LIMA1: variants seen among roughly 807,000 people sequenced by gnomAD.
LIMA1 encodes the protein LIM domain and actin binding 1.
LIMA1 carries 52 observed loss-of-function variants against 62.6 expected under a neutral mutation model. That is an observed-to-expected ratio of 0.83 (90% CI 0.67 to 1.05). The LOEUF (loss-of-function observed/expected upper bound fraction) is 1.05. Among genes scored for constraint, LIMA1 ranks in the 50% least tolerant of loss-of-function variants. The probability of loss-of-function intolerance (pLI) is 0.00; values close to 1 mark genes in which losing one functional copy is unlikely to be tolerated. For missense variants in LIMA1, 780 were observed against 902.2 expected, an observed-to-expected ratio of 0.86 and a Z score of 1.74; for synonymous variants, 302 against 317.8, an observed-to-expected ratio of 0.95 and a Z score of 0.53.
At chr12:50,263,006 C>A (rs897225983) in intron 1 of LIMA1, among the ~76,000 whole-genome samples, 1 of 152,144 alleles carries the variant, frequency 6.6e-6, no homozygotes, top group African/African-American at 2.4e-5. Context: ...TGAGACACTG[C>A]ACTGATTAAT....
intron 1 of LIMA1, among the ~76,000 whole-genome samples, chr12:50,256,736 C>T (rs551985880): frequency 3.9e-5 from 6 of 152,200 alleles, no homozygotes; most frequent in South Asian, 4.1e-4. Flanking sequence ...CTTGGAGAAG[C>T]GGTTGATTCC....
At chr12:50,205,587 G>A (rs2138488436) in intron 5 of LIMA1, among the ~76,000 whole-genome samples, 1 of 151,912 alleles carries the variant, frequency 6.6e-6, no homozygotes, top group Middle Eastern at 3.4e-3. Context: ...ACCTGATAGG[G>A]GACACAGCCC....
chr12:50,266,644 G>A (rs1214096108), intron 1 of LIMA1, among the ~76,000 whole-genome samples: 1 of 152,180 alleles, frequency 6.6e-6, no homozygotes, highest in East Asian at 1.9e-4. Flanking sequence ...TAAATTCCTA[G>A]AAGGAGCATT....
chr12:50,281,999 G>C (rs1162545635), intron 1 of LIMA1, among the ~76,000 whole-genome samples: 1 of 152,100 alleles, frequency 6.6e-6, no homozygotes, highest in African/African-American at 2.4e-5. Context: ...TGACATGAAA[G>C]GCACTCAATA....
intron 1 of LIMA1, among the ~76,000 whole-genome samples, chr12:50,255,267 A>C (rs138387096): frequency 1.3e-5 from 2 of 152,182 alleles, no homozygotes; most frequent in Non-Finnish European, 2.9e-5. Context: ...TTATGAAGAA[A>C]AAATGGGCCA....
intron 1 of LIMA1, among the ~76,000 whole-genome samples, chr12:50,273,242 A>C (rs1358724604): frequency 6.6e-6 from 1 of 152,016 alleles, no homozygotes; most frequent in African/African-American, 2.4e-5. Flanking sequence ...GGCGTGAGCC[A>C]CCACACCTGG....
chr12:50,253,183 CAT>C (rs139342965), intron 1 of LIMA1, among the ~76,000 whole-genome samples: 3,494 of 152,238 alleles, frequency 0.023, 126 homozygotes, highest in African/African-American at 0.08. Flanking sequence ...TTGATTTACA[CAT>C]GTTGAGACAT....
At chr12:50,236,709 A>G (rs1433234797) in intron 2 of LIMA1, among the ~76,000 whole-genome samples, 2 of 151,912 alleles carry the variant, frequency 1.3e-5, no homozygotes, top group Non-Finnish European at 2.9e-5. Context: ...TTTCTTGCCT[A>G]TTAAAGACTC....
chr12:50,202,820 G>A (rs1035785358), intron 6 of LIMA1, among the ~76,000 whole-genome samples: 1 of 152,026 alleles, frequency 6.6e-6, no homozygotes, highest in African/African-American at 2.4e-5. Flanking sequence ...ATCTGCCTAA[G>A]AACAAATAAA....
At chr12:50,195,289 T>G (rs1940904179) in intron 8 of LIMA1, among the ~76,000 whole-genome samples, 1 of 152,094 alleles carries the variant, frequency 6.6e-6, no homozygotes, top group Admixed American at 6.6e-5. Context: ...CATTTTTGTC[T>G]TTGGGAAAAG....
chr12:50,276,976 A>C (rs1042676813), intron 1 of LIMA1, among the ~76,000 whole-genome samples: 1 of 152,212 alleles, frequency 6.6e-6, no homozygotes, highest in Non-Finnish European at 1.5e-5. Context: ...TTCTTAGAAG[A>C]GTTTATACCA....
Position 50,177,832 on chromosome 12 carries a change from C to T in LIMA1, c.1512G>A (p.Leu504=). The T allele has an allele frequency of 6.2e-7, 1 of 1,613,240 alleles. No individual in the cohort carries two copies. Among genetic ancestry groups the T allele is most frequent in the Middle Eastern group, 1.7e-4 (1 of 6,056 alleles). The change falls in exon 11 of 11, where the codon CTG becomes CTA. Residue 504 remains leucine, a synonymous_variant. Transcript: ENST00000341247. ...AGGCCTTGGCTTCCATACTTGCAGC[C>T]AGGACACCCACCTTAGCAATAGGGG... ...EDAPIAKVGV[L]AASMEAKASS... is the part of the protein sequence containing the mutation.
chr12:50,263,920 C>T (rs185319117), intron 1 of LIMA1, among the ~76,000 whole-genome samples: 1 of 130,506 alleles, frequency 7.7e-6, no homozygotes, highest in African/African-American at 2.9e-5. Context: ...TATATATATA[C>T]TCAAGAGAAA....
At chr12:50,277,112 G>A (rs1237916375) in intron 1 of LIMA1, among the ~76,000 whole-genome samples, 1 of 152,006 alleles carries the variant, frequency 6.6e-6, no homozygotes, top group Non-Finnish European at 1.5e-5. Context: ...GTAGATAATC[G>A]AGTTTTGTGG....
At chr12:50,270,206 G>A (rs1321445828) in intron 1 of LIMA1, among the ~76,000 whole-genome samples, 1 of 122,240 alleles carries the variant, frequency 8.2e-6, no homozygotes, top group East Asian at 2.5e-4. Flanking sequence ...TTGTACTCTA[G>A]CCTGGGCAAC....
intron 1 of LIMA1, among the ~76,000 whole-genome samples, chr12:50,268,594 A>AATT (rs140101130): frequency 0.045 from 6,699 of 149,234 alleles, 523 homozygotes; most frequent in African/African-American, 0.16. Flanking sequence ...GCCATGAAGC[A>AATT]ATTATTATTA....
chr12:50,224,076 G>T (rs200585123), intron 3 of LIMA1, among the ~76,000 whole-genome samples: 1 of 151,416 alleles, frequency 6.6e-6, no homozygotes, highest in African/African-American at 2.4e-5. Flanking sequence ...TAAATGTCCC[G>T]TACTTTGAAA....
intron 1 of LIMA1, among the ~76,000 whole-genome samples, chr12:50,280,280 G>C (rs1463629457): frequency 6.8e-6 from 1 of 146,034 alleles, no homozygotes; most frequent in African/African-American, 2.5e-5. Flanking sequence ...TCAGCCTCCC[G>C]AGTAGCTAGG....
rs559537062 is a variant in LIMA1 at position 50,271,905 on chromosome 12, T to C, written c.-24+11515A>G. On this transcript the variant is annotated intron_variant, in intron 1 of 10. Coordinates refer to ENST00000341247, the MANE Select transcript of LIMA1 (RefSeq NM_016357.5). ...AATCTGCCGAGAAACTACATGCTCA[T>C]AAGTCTTGCCAATTACATGCTTAAT... Among the ~76,000 whole-genome samples the C allele has an allele frequency of 4.6e-5, 7 of 152,320 alleles. No homozygotes were observed. The South Asian group carries it at 8.3e-4, about 18-fold the overall frequency.
Sources: allele counts gnomAD v4.1 joint callset (sites outside exome capture counted in the v4.1 genomes callset), GRCh38; gene constraint gnomAD v4.1.1; transcripts MANE v1.5; gene names NCBI Gene and HGNC (gene_info 2026-07-23, HGNC 2026-07-21).